Variants in CNRIP1 observed in about 807,000 individuals in gnomAD.
The protein encoded by CNRIP1 is cannabinoid receptor interacting protein 1, also known as CB1 cannabinoid receptor-interacting protein 1.
CNRIP1 carries 10 observed loss-of-function variants against 15.2 expected under a neutral mutation model. The ratio of observed to expected loss-of-function variants is 0.66; its 90% CI spans 0.41 to 1.12. The LOEUF is 1.12. Ranked by LOEUF, CNRIP1 falls within the 50% of genes most tolerant of loss-of-function variation. The pLI is 0.00. For missense variants in CNRIP1, 211 were observed against 214.7 expected (o/e 0.98, Z 0.11); for synonymous variants, 91 against 83.2 (o/e 1.09, Z -0.51).
At chr2:68,317,658 G>A (rs1395476022) in intron 1 of CNRIP1, among the ~76,000 whole-genome samples, 1 of 152,138 alleles carries the variant, frequency 6.6e-6, no homozygotes, top group African/African-American at 2.4e-5. Context: ...GGGGTCCTAT[G>A]ATTTGGAGTA....
chr2:68,284,850 C>T (rs536874221), intron 2 of CNRIP1, among the ~76,000 whole-genome samples: 6 of 151,224 alleles, frequency 4.0e-5, no homozygotes, highest in African/African-American at 7.3e-5. Flanking sequence ...CACAGCGAAG[C>T]GAATTCTGTG....
chr2:68,319,563 C>G lies in CNRIP1; in HGVS notation c.-163G>C, dbSNP rs879790294. The G allele has an allele frequency of 5.7e-6, 4 of 696,470 alleles. No individual in the cohort carries two copies. Among genetic ancestry groups the G allele is most frequent in the Non-Finnish European group, 9.0e-6 (4 of 446,382 alleles). The allele number at this position is 696,470 out of a possible 1,614,324, so 43.1% of individuals were successfully genotyped here. The stretch of plus-strand genomic sequence containing the variant: ...AACCCGCGCCGTCGCCGCCGTCCGC[C>G]CGGGCTTTTGAGGAGCAGCTCCTTA... On this transcript the variant is annotated 5_prime_UTR_variant, in exon 1 of 3. Transcript: ENST00000263655.
intron 2 of CNRIP1, among the ~76,000 whole-genome samples, chr2:68,299,221 G>C (rs567572780): frequency 2.0e-5 from 3 of 151,950 alleles, no homozygotes; most frequent in Non-Finnish European, 4.4e-5. Context: ...TGATATAAAT[G>C]GTTATAGTGG....
intron 2 of CNRIP1, among the ~76,000 whole-genome samples, chr2:68,299,921 G>A (rs956371602): frequency 1.9e-4 from 29 of 152,284 alleles, no homozygotes; most frequent in South Asian, 2.1e-4. Context: ...TCAAGATCAC[G>A]TAGAAATCCA....
At chr2:68,304,467 A>G (rs1009378831) in intron 2 of CNRIP1, among the ~76,000 whole-genome samples, 1 of 152,070 alleles carries the variant, frequency 6.6e-6, no homozygotes, top group Admixed American at 6.6e-5. Flanking sequence ...TGTTTTAAGA[A>G]AAAGGTCTGC....
At chr2:68,299,386 G>A (rs1181686853) in intron 2 of CNRIP1, among the ~76,000 whole-genome samples, 2 of 152,186 alleles carry the variant, frequency 1.3e-5, no homozygotes, top group South Asian at 2.1e-4. Context: ...TGGAGGTAGG[G>A]CCTTTGGGAA....
intron 2 of CNRIP1, among the ~76,000 whole-genome samples, chr2:68,313,304 T>C (rs1352142225): frequency 6.6e-6 from 1 of 152,146 alleles, no homozygotes; most frequent in South Asian, 2.1e-4. Context: ...ATACTTACCA[T>C]GTGATTTAGC....
rs189825285 is a variant in CNRIP1, at chr2:68,315,241, A to T, written c.330+1916T>A. Among the ~76,000 whole-genome samples the T allele has an allele frequency of 2.1e-4, 32 of 152,312 alleles. No individual in the cohort carries two copies. The East Asian group carries it at 5.4e-3, about 26-fold the overall frequency. On this transcript the variant is annotated intron_variant, in intron 2 of 2. Coordinates refer to ENST00000263655, the MANE Select transcript of CNRIP1 (RefSeq NM_015463.3). Reference sequence around the variant, plus strand: ...TGAAGCAAATACAAATAGTAAATGAATATGTCAGGATTTCAAATTAACAGT... The same window carrying T: ...TGAAGCAAATACAAATAGTAAATGATTATGTCAGGATTTCAAATTAACAGT...
intron 2 of CNRIP1, among the ~76,000 whole-genome samples, chr2:68,298,279 TATAAAA>T (rs1671463294): frequency 2.0e-5 from 3 of 152,080 alleles, no homozygotes. Context: ...AATTCCAAAT[TATAAAA>T]ATATTTTGTA....
intron 1 of CNRIP1, among the ~76,000 whole-genome samples, chr2:68,318,951 C>A (rs1043561832): frequency 5.3e-5 from 8 of 152,246 alleles, no homozygotes; most frequent in African/African-American, 1.9e-4. Context: ...AAGAAACAGA[C>A]AAGCAAAAAC....
chr2:68,304,613 G>C (rs1311537647), intron 2 of CNRIP1, among the ~76,000 whole-genome samples: 1 of 131,398 alleles, frequency 7.6e-6, no homozygotes, highest in Non-Finnish European at 1.6e-5. Context: ...TTGAGCACTG[G>C]TCATCTGGTT....
intron 2 of CNRIP1, among the ~76,000 whole-genome samples, chr2:68,313,068 G>T (rs1000616964): frequency 3.3e-5 from 5 of 152,146 alleles, no homozygotes; most frequent in African/African-American, 1.2e-4. Flanking sequence ...AAAGGACCTA[G>T]ATTAAGCAAA....
chr2:68,289,476 C>CTTTTCTTT (rs1378110406), downstream of CNRIP1, among the ~76,000 whole-genome samples: 5 of 151,882 alleles, frequency 3.3e-5, no homozygotes, highest in Admixed American at 6.6e-5. Context: ...TGTATCGCTC[C>CTTTTCTTT]TTTTCTTTTT....
At chr2:68,295,389 A>T (rs577221041) in intron 2 of CNRIP1, among the ~76,000 whole-genome samples, 42 of 152,322 alleles carry the variant, frequency 2.8e-4, no homozygotes, top group South Asian at 1.7e-3. Flanking sequence ...CCTAGAGTCC[A>T]CAGACCTCCC....
At chr2:68,316,011 A>G (rs942818236) in intron 2 of CNRIP1, 1 of 152,220 alleles carries the variant, frequency 6.6e-6, no homozygotes, top group Non-Finnish European at 1.5e-5. Context: ...TTCTGTGTTG[A>G]AGGTTCTTTG....
At chr2:68,297,686 A>G (rs570201009) in intron 2 of CNRIP1, among the ~76,000 whole-genome samples, 181 of 152,232 alleles carry the variant, frequency 1.2e-3, no homozygotes, top group African/African-American at 4.2e-3. Context: ...CTATTCCTCT[A>G]ACAACTTAGT....
chr2:68,294,888 A>C (rs570499092), intron 2 of CNRIP1, among the ~76,000 whole-genome samples: 1 of 152,286 alleles, frequency 6.6e-6, no homozygotes, highest in African/African-American at 2.4e-5. Flanking sequence ...CTACTTCCAG[A>C]AGGTAGGCCC....
intron 2 of CNRIP1, among the ~76,000 whole-genome samples, chr2:68,296,629 CTTTTT>C (rs1394936385): frequency 3.3e-5 from 5 of 151,144 alleles, no homozygotes; most frequent in Non-Finnish European, 7.4e-5. Context: ...CTCCTATGTT[CTTTTT>C]TTAATTTTTA....
At position 68,315,285 on chromosome 2, in the gene CNRIP1, T is replaced by C. The variant is rs1187169755; in HGVS notation, c.330+1872A>G. Among the ~76,000 whole-genome samples, 4 of 152,136 alleles carry C rather than the reference T, an allele frequency of 2.6e-5. No homozygotes were observed. In the East Asian group the frequency reaches 7.7e-4, roughly 29 times the overall value. On this transcript the variant is annotated intron_variant, in intron 2 of 2. Coordinates refer to ENST00000263655, the MANE Select transcript of CNRIP1 (RefSeq NM_015463.3). Reference sequence around the variant, plus strand: ...TAACAGTAAGTAAAAATTGAAGTATTTCAGTCAGATTAAAAATATGTAAAC... The same window carrying C: ...TAACAGTAAGTAAAAATTGAAGTATCTCAGTCAGATTAAAAATATGTAAAC...
Sources: gnomAD v4.1 joint callset for allele counts (sites outside exome capture counted in the v4.1 genomes callset) on GRCh38, gnomAD v4.1.1 for gene constraint, MANE v1.5 for transcripts, NCBI Gene and HGNC (gene_info 2026-07-23, HGNC 2026-07-21) for gene names.